CADPS2: variants seen among roughly 807,000 people sequenced by gnomAD.
CADPS2 encodes calcium dependent secretion activator 2.
Under a neutral mutation model 172.5 loss-of-function variants are expected in CADPS2, and 93 were observed. The ratio of observed to expected loss-of-function variants is 0.54; its 90% CI spans 0.46 to 0.64. CADPS2 has a LOEUF of 0.64. CADPS2 is among the 30% of genes least tolerant of loss of function. The probability of loss-of-function intolerance (pLI) is 0.00; values close to 1 mark genes in which losing one functional copy is unlikely to be tolerated. For synonymous variants in CADPS2, 546 were observed against 555.2 expected (o/e 0.98, Z 0.23); for missense variants, 1,420 against 1,565.9 (o/e 0.91, Z 1.57).
intron 18 of CADPS2, 80 bp from the exon 19 acceptor site, chr7:122,414,156 A>T (rs554073836): frequency 2.0e-6 from 2 of 992,890 alleles, no homozygotes; most frequent in South Asian, 3.9e-5. Flanking sequence ...AAAAAAGGTC[A>T]TCATAATAGT....
At chr7:122,423,120 C>T (rs2048730853) in intron 17 of CADPS2, among the ~76,000 whole-genome samples, 1 of 152,050 alleles carries the variant, frequency 6.6e-6, no homozygotes, top group Non-Finnish European at 1.5e-5. Context: ...ACTGATGACT[C>T]AGTTGGAAAG....
intron 22 of CADPS2, among the ~76,000 whole-genome samples, chr7:122,389,564 A>G (rs2151456775): frequency 1.3e-5 from 2 of 152,076 alleles, no homozygotes; most frequent in South Asian, 4.1e-4. Flanking sequence ...AAGAGTACAT[A>G]TAATATTTTG....
At chr7:122,535,252 C>T (rs1343280306) in intron 8 of CADPS2, among the ~76,000 whole-genome samples, 1 of 152,070 alleles carries the variant, frequency 6.6e-6, no homozygotes, top group Non-Finnish European at 1.5e-5. Context: ...GAGTTCAAAT[C>T]ATGGTCACTT....
intron 29 of CADPS2, among the ~76,000 whole-genome samples, 174 bp downstream of exon 29, chr7:122,325,303 A>G (rs1483111640): frequency 2.0e-5 from 3 of 152,098 alleles, no homozygotes; most frequent in African/African-American, 4.8e-5. Flanking sequence ...TGCAAAAAAG[A>G]TAAATTTATA....
chr7:122,400,467 A>AAAACT (rs2045809248), intron 20 of CADPS2, among the ~76,000 whole-genome samples: 1 of 152,022 alleles, frequency 6.6e-6, no homozygotes, highest in Non-Finnish European at 1.5e-5. Context: ...AAAACAAAAC[A>AAAACT]AAACTAAACA....
Position 122,886,332 on chromosome 7 carries a change from C to T in CADPS2, c.6G>A (p.Leu2=). M[L]DPSSSEEESD... ...ACTCCTCTTCGCTGGAAGACGGGTC[C>T]AGCATGGTGCTCGGGGATCCCCGCC... The change falls in exon 1 of 30, where the codon CTG becomes CTA. Residue 2 remains leucine, a synonymous_variant. Transcript: ENST00000449022. 1 of 1,499,530 alleles carries T rather than the reference C, an allele frequency of 6.7e-7. No individual in the cohort carries two copies. The highest frequency in any genetic ancestry group is 8.8e-7 in the Non-Finnish European group (1 of 1,133,152). 92.9% of individuals were successfully genotyped at this position (1,499,530 alleles called of 1,614,324 possible). A position where few individuals can be genotyped will look rare whatever the true frequency, so the allele number is the denominator to read the frequency against.
intron 29 of CADPS2, among the ~76,000 whole-genome samples, chr7:122,323,873 T>TTATATA (rs71159788): frequency 4.1e-4 from 46 of 112,448 alleles, no homozygotes; most frequent in African/African-American, 1.7e-3. Flanking sequence ...TATGTATATT[T>TTATATA]TATATATATA....
Position 122,416,045 on chromosome 7 carries a change from GA to G in CADPS2, c.2580+15del. On this transcript the variant is annotated intron_variant, in intron 18 of 29. Coordinates refer to ENST00000449022, the MANE Select transcript of CADPS2 (RefSeq NM_017954.11). ...CTTACATATAGCTTTATACTACAGT[GA>G]AAACAGGTCATCACCTCTGCATGAT... The G allele has an allele frequency of 6.8e-7, 1 of 1,469,834 alleles. No homozygotes were observed. 91.0% of individuals were successfully genotyped at this position (1,469,834 alleles called of 1,614,324 possible). A position where few individuals can be genotyped will look rare whatever the true frequency, so the allele number is the denominator to read the frequency against.
chr7:122,402,889 T>G (rs1184541815), intron 20 of CADPS2, among the ~76,000 whole-genome samples: 3 of 152,188 alleles, frequency 2.0e-5, no homozygotes, highest in Non-Finnish European at 2.9e-5. Flanking sequence ...CTAGTTAAAG[T>G]TGTAATTATT....
intron 6 of CADPS2, among the ~76,000 whole-genome samples, chr7:122,588,845 C>G (rs1268562996): frequency 6.6e-6 from 1 of 151,892 alleles, no homozygotes; most frequent in Non-Finnish European, 1.5e-5. Flanking sequence ...GCACCTCCCC[C>G]AAACTCATTA....
chr7:122,849,844 G>T, intron 1 of CADPS2: 1 of 570,360 alleles, frequency 1.8e-6, no homozygotes, highest in African/African-American at 1.9e-5. Context: ...TTCCCACTAT[G>T]GTGTTTCCTT....
intron 17 of CADPS2, among the ~76,000 whole-genome samples, chr7:122,432,503 T>G (rs2050068374): frequency 1.3e-5 from 2 of 151,730 alleles, no homozygotes; most frequent in South Asian, 4.2e-4. Context: ...TAGCCAGGCG[T>G]GGTGGCAGAT....
chr7:122,779,570 G>A (rs1792134752), intron 1 of CADPS2, among the ~76,000 whole-genome samples: 1 of 152,176 alleles, frequency 6.6e-6, no homozygotes, highest in Non-Finnish European at 1.5e-5. Context: ...AAGAGAGTGA[G>A]CATTTGCTGA....
intron 1 of CADPS2, among the ~76,000 whole-genome samples, chr7:122,834,422 G>T (rs1207086043): frequency 9.2e-5 from 14 of 152,118 alleles, no homozygotes; most frequent in Non-Finnish European, 1.5e-5. Flanking sequence ...TCACTGAGGT[G>T]TGTCAAACAG....
intron 8 of CADPS2, among the ~76,000 whole-genome samples, chr7:122,533,508 G>C (rs1459496191): frequency 2.0e-5 from 3 of 152,126 alleles, no homozygotes; most frequent in Non-Finnish European, 2.9e-5. Context: ...CGGAAGGACA[G>C]AAATTCAAAG....
intron 8 of CADPS2, among the ~76,000 whole-genome samples, chr7:122,539,402 T>C (rs1316296151): frequency 1.3e-5 from 2 of 152,110 alleles, no homozygotes; most frequent in African/African-American, 2.4e-5. Context: ...AAATTTCTGT[T>C]CATTATAAAC....
intron 2 of CADPS2, among the ~76,000 whole-genome samples, chr7:122,711,978 A>G (rs1468625833): frequency 3.3e-5 from 5 of 152,020 alleles, no homozygotes; most frequent in Non-Finnish European, 5.9e-5. Flanking sequence ...ATTTAAACAT[A>G]TTTTGCAGTT....
chr7:122,388,578 T>C lies in CADPS2; in HGVS notation c.3164+5A>G, dbSNP rs2043975453. 1.3e-6 allele frequency: 2 copies of C among 1,575,432 alleles called. No homozygotes were observed. The highest frequency in any genetic ancestry group is 1.7e-6 in the Non-Finnish European group (2 of 1,157,792). ...TTAAGCAGCAATTTGAAAATACATG[T>C]CTACCTTTTGACACAGGCCTCTAGC... On this transcript the variant is annotated splice_donor_5th_base_variant and intron_variant, in intron 23 of 29. Coordinates refer to ENST00000449022, the MANE Select transcript of CADPS2 (RefSeq NM_017954.11).
intron 17 of CADPS2, chr7:122,427,059 G>A (rs976721370): frequency 6.6e-6 from 1 of 152,084 alleles, no homozygotes; most frequent in African/African-American, 2.4e-5. Flanking sequence ...GAGTGTTACA[G>A]ATCATGGCCA....
Sources: allele counts gnomAD v4.1 joint callset (sites outside exome capture counted in the v4.1 genomes callset), GRCh38; gene constraint gnomAD v4.1.1; transcripts MANE v1.5; gene names NCBI Gene and HGNC (gene_info 2026-07-23, HGNC 2026-07-21).